GAREM1: variants seen among roughly 807,000 people sequenced by gnomAD.
The protein encoded by GAREM1 is GRB2 associated regulator of MAPK1 subtype 1, also known as GRB2-associated and regulator of MAPK protein 1.
Under a neutral mutation model 71.3 loss-of-function variants are expected in GAREM1, and 26 were observed. That is an observed-to-expected ratio of 0.36 (90% CI 0.27 to 0.51). The LOEUF is 0.51. Among genes scored for constraint, GAREM1 ranks in the 20% least tolerant of loss-of-function variants. The pLI is 0.95. For missense variants in GAREM1, 1,026 were observed against 1,103.1 expected, an observed-to-expected ratio of 0.93 and a Z score of 0.99; for synonymous variants, 440 against 433.2, an observed-to-expected ratio of 1.02 and a Z score of -0.20.
chr18:32,300,882 G>C (rs8098071), intron 3 of GAREM1, among the ~76,000 whole-genome samples: 15,009 of 141,528 alleles, frequency 0.11, 1,176 homozygotes, highest in African/African-American at 0.23. Context: ...CTCCAGCCCG[G>C]GCAACAAGAG....
intron 4 of GAREM1, among the ~76,000 whole-genome samples, chr18:32,282,818 T>C (rs986574327): frequency 3.9e-5 from 6 of 152,216 alleles, no homozygotes; most frequent in Non-Finnish European, 5.9e-5. Flanking sequence ...CTTCCCAGCA[T>C]TGCTCTCCAA....
At chr18:32,455,502 C>A (rs907224204) in intron 1 of GAREM1, among the ~76,000 whole-genome samples, 1 of 152,124 alleles carries the variant, frequency 6.6e-6, no homozygotes, top group African/African-American at 2.4e-5. Flanking sequence ...GAAACACACA[C>A]GCACATACAC....
intron 2 of GAREM1, among the ~76,000 whole-genome samples, chr18:32,364,022 ATATATGTTT>A (rs2047901162): frequency 5.8e-5 from 3 of 52,072 alleles, no homozygotes; most frequent in African/African-American, 4.4e-4. Context: ...ATATATATAT[ATATATGTTT>A]TTTTTTTTTT....
At chr18:32,305,970 G>C (rs904121427) in intron 3 of GAREM1, among the ~76,000 whole-genome samples, 4 of 152,130 alleles carry the variant, frequency 2.6e-5, no homozygotes, top group Non-Finnish European at 4.4e-5. Flanking sequence ...CTGCATCGAG[G>C]GAGCCGAAAA....
At chr18:32,328,909 A>T (rs1467817498) in intron 2 of GAREM1, among the ~76,000 whole-genome samples, 3 of 152,210 alleles carry the variant, frequency 2.0e-5, no homozygotes, top group African/African-American at 7.2e-5. Context: ...CGGAAAAGAG[A>T]CTGATGATAA....
chr18:32,467,756 T>C (rs1008991504), intron 1 of GAREM1, among the ~76,000 whole-genome samples: 5 of 152,208 alleles, frequency 3.3e-5, no homozygotes, highest in Non-Finnish European at 7.3e-5. Flanking sequence ...ATCTTTCATG[T>C]CTAAGTATAG....
intron 1 of GAREM1, among the ~76,000 whole-genome samples, chr18:32,430,595 G>GGTTTAT: frequency 6.6e-6 from 1 of 152,324 alleles, no homozygotes; most frequent in Non-Finnish European, 1.5e-5. Flanking sequence ...ACCATAGAGA[G>GGTTTAT]ACTGCATGGG....
chr18:32,446,223 A>AGTGTGTGTGT (rs10587223), intron 1 of GAREM1, among the ~76,000 whole-genome samples: 52 of 143,428 alleles, frequency 3.6e-4, no homozygotes, highest in African/African-American at 1.2e-3. Flanking sequence ...AGTTCCCCAT[A>AGTGTGTGTGT]GTGTGTGTGT....
At chr18:32,318,622 T>C (rs772595143) in intron 2 of GAREM1, among the ~76,000 whole-genome samples, 12 of 152,228 alleles carry the variant, frequency 7.9e-5, no homozygotes, top group Non-Finnish European at 1.5e-4. Context: ...CAGCTCCGCA[T>C]GATGTGTGCC....
At chr18:32,328,716 T>C (rs1180326646) in intron 2 of GAREM1, among the ~76,000 whole-genome samples, 2 of 152,120 alleles carry the variant, frequency 1.3e-5, no homozygotes, top group African/African-American at 4.8e-5. Context: ...ACTGGCTCAT[T>C]ATATGGAGAA....
rs142769205 is a variant in GAREM1, at chr18:32,423,160, T to A, written c.122-30125A>T. Among the ~76,000 whole-genome samples the A allele has an allele frequency of 1.2e-3, 186 of 152,250 alleles. 1 individual carries two copies. The highest frequency in any genetic ancestry group is 4.2e-3 in the African/African-American group (175 of 41,550). Reference sequence around the variant, plus strand: ...TTAAGTCTATGGGCAGAGTAAGAATTCCAGTGGGACACTAGCTGTGTGCTC... The same window carrying A: ...TTAAGTCTATGGGCAGAGTAAGAATACCAGTGGGACACTAGCTGTGTGCTC... On this transcript the variant is annotated intron_variant, in intron 1 of 5. Transcript: ENST00000269209.
intron 4 of GAREM1, among the ~76,000 whole-genome samples, chr18:32,274,244 T>C (rs1377414879): frequency 6.6e-6 from 1 of 152,214 alleles, no homozygotes; most frequent in Non-Finnish European, 1.5e-5. Flanking sequence ...TGTACCATCT[T>C]AGTTCCTATC....
intron 2 of GAREM1, among the ~76,000 whole-genome samples, chr18:32,322,129 A>C (rs2047434772): frequency 6.6e-6 from 1 of 152,208 alleles, no homozygotes; most frequent in African/African-American, 2.4e-5. Context: ...GGAAGCCAAC[A>C]GAGAAAAAAG....
chr18:32,281,590 CAA>C (rs1029890934), intron 4 of GAREM1, among the ~76,000 whole-genome samples: 3 of 152,196 alleles, frequency 2.0e-5, no homozygotes, highest in Non-Finnish European at 2.9e-5. Context: ...CAGTGGTTCA[CAA>C]AAGAGCTCCT....
At chr18:32,310,142 G>T (rs1397719434) in intron 3 of GAREM1, 51 bp downstream of exon 3, 1 of 1,598,624 alleles carries the variant, frequency 6.3e-7, no homozygotes, top group Admixed American at 1.7e-5. Context: ...AGACTTGAAA[G>T]TTAAATTATC....
intron 1 of GAREM1, among the ~76,000 whole-genome samples, chr18:32,463,330 A>T (rs1221970114): frequency 6.6e-6 from 1 of 151,466 alleles, no homozygotes; most frequent in East Asian, 1.9e-4. Flanking sequence ...CTCTGGAAAA[A>T]AAAATAAAAA....
intron 1 of GAREM1, among the ~76,000 whole-genome samples, chr18:32,421,087 C>T (rs1367697256): frequency 6.6e-6 from 1 of 152,166 alleles, no homozygotes; most frequent in African/African-American, 2.4e-5. Context: ...CTTCACTAAT[C>T]CTGATAGCTG....
intron 3 of GAREM1, among the ~76,000 whole-genome samples, chr18:32,288,533 GT>G (rs2047050061): frequency 1.3e-5 from 2 of 151,048 alleles, no homozygotes; most frequent in South Asian, 2.1e-4. Flanking sequence ...AAAATTCCTT[GT>G]TTTTTATTAT....
chr18:32,433,494 G>A (rs1297658751), intron 1 of GAREM1, among the ~76,000 whole-genome samples: 3 of 149,980 alleles, frequency 2.0e-5, no homozygotes, highest in Non-Finnish European at 4.4e-5. Flanking sequence ...CATATAGAAA[G>A]GAAATCTATA....
Sources: allele counts gnomAD v4.1 joint callset (sites outside exome capture counted in the v4.1 genomes callset), GRCh38; gene constraint gnomAD v4.1.1; transcripts MANE v1.5; gene names NCBI Gene and HGNC (gene_info 2026-07-23, HGNC 2026-07-21).